SGMS2: variants seen among roughly 807,000 people sequenced by gnomAD.
SGMS2 encodes phosphatidylcholine:ceramide cholinephosphotransferase 2.
Under a neutral mutation model 43.8 loss-of-function variants are expected in SGMS2, and 21 were observed. That is an observed-to-expected ratio of 0.48 (90% CI 0.34 to 0.69). The LOEUF (loss-of-function observed/expected upper bound fraction) is 0.69. Among genes scored for constraint, SGMS2 ranks in the 30% least tolerant of loss-of-function variants. The pLI, the probability that SGMS2 is intolerant of heterozygous loss-of-function variation, is 0.01. For synonymous variants in SGMS2, 167 were observed against 160.6 expected, an observed-to-expected ratio of 1.04 and a Z score of -0.30; for missense variants, 384 against 443.2, an observed-to-expected ratio of 0.87 and a Z score of 1.20.
At chr4:107,834,245 C>T (rs958765645) in intron 1 of SGMS2, among the ~76,000 whole-genome samples, 9 of 152,182 alleles carry the variant, frequency 5.9e-5, no homozygotes, top group African/African-American at 1.9e-4. Flanking sequence ...TACATTTTGA[C>T]GGCTGTTTTA....
At chr4:107,875,159 GA>G (rs1728815721) in intron 2 of SGMS2, among the ~76,000 whole-genome samples, 1 of 152,174 alleles carries the variant, frequency 6.6e-6, no homozygotes, top group Admixed American at 6.6e-5. Flanking sequence ...AGCAACTCTG[GA>G]AAAACAGCCC....
At chr4:107,843,478 C>T (rs182981587) in intron 1 of SGMS2, among the ~76,000 whole-genome samples, 1 of 152,256 alleles carries the variant, frequency 6.6e-6, no homozygotes, top group African/African-American at 2.4e-5. Flanking sequence ...GTGGTGTCAG[C>T]TGTGAATTGC....
chr4:107,875,508 G>A (rs992692803), intron 2 of SGMS2, among the ~76,000 whole-genome samples: 2 of 152,114 alleles, frequency 1.3e-5, no homozygotes, highest in South Asian at 2.1e-4. Flanking sequence ...CCCACCTACC[G>A]AAGGGTGGAG....
intron 3 of SGMS2, among the ~76,000 whole-genome samples, 168 bp downstream of exon 3, chr4:107,896,176 C>T (rs1427311216): frequency 6.6e-6 from 1 of 152,114 alleles, no homozygotes; most frequent in Non-Finnish European, 1.5e-5. Flanking sequence ...AATTCAGTCA[C>T]TATTCAGTAA....
At chr4:107,907,566 G>A (rs1359753559) in intron 5 of SGMS2, among the ~76,000 whole-genome samples, 2 of 152,150 alleles carry the variant, frequency 1.3e-5, no homozygotes, top group African/African-American at 2.4e-5. Context: ...AGCCAAGATC[G>A]TGCCATTGAA....
intron 2 of SGMS2, among the ~76,000 whole-genome samples, chr4:107,862,192 C>T (rs573625657): frequency 1.1e-4 from 16 of 152,132 alleles, no homozygotes; most frequent in Non-Finnish European, 1.5e-4. Flanking sequence ...CCGTAACTGT[C>T]GGAGAATGTA....
At chr4:107,868,589 G>A (rs998236115) in intron 2 of SGMS2, among the ~76,000 whole-genome samples, 1 of 151,954 alleles carries the variant, frequency 6.6e-6, no homozygotes, top group African/African-American at 2.4e-5. Context: ...GTTGTGGTGG[G>A]CGCCTGTAAT....
chr4:107,841,670 C>T (rs1726512955), intron 1 of SGMS2, among the ~76,000 whole-genome samples: 1 of 150,396 alleles, frequency 6.6e-6, no homozygotes, highest in African/African-American at 2.4e-5. Context: ...TACTTATGGC[C>T]TTTTTTTTTA....
At chr4:107,869,984 A>G (rs1728438143) in intron 2 of SGMS2, among the ~76,000 whole-genome samples, 1 of 152,164 alleles carries the variant, frequency 6.6e-6, no homozygotes, top group Admixed American at 6.5e-5. Flanking sequence ...ATTAAATACC[A>G]TGATTGTGGA....
At chr4:107,826,166 TAATG>T (rs1411035702) in intron 1 of SGMS2, among the ~76,000 whole-genome samples, 20 of 152,202 alleles carry the variant, frequency 1.3e-4, no homozygotes, top group African/African-American at 4.6e-4. Context: ...ATGAGGATAA[TAATG>T]AGGATTAAAG....
At chr4:107,834,246 G>A (rs991542174) in intron 1 of SGMS2, among the ~76,000 whole-genome samples, 3 of 152,156 alleles carry the variant, frequency 2.0e-5, no homozygotes, top group Non-Finnish European at 2.9e-5. Flanking sequence ...ACATTTTGAC[G>A]GCTGTTTTAT....
At chr4:107,848,587 T>G (rs1248720592) in intron 1 of SGMS2, among the ~76,000 whole-genome samples, 2 of 152,172 alleles carry the variant, frequency 1.3e-5, no homozygotes, top group Non-Finnish European at 2.9e-5. Flanking sequence ...TTTGGTGGTG[T>G]TAGTATGGAT....
chr4:107,905,043 A>G (rs1225446410), intron 5 of SGMS2, among the ~76,000 whole-genome samples: 1 of 152,210 alleles, frequency 6.6e-6, no homozygotes, highest in Admixed American at 6.6e-5. Context: ...CACCCCCAGG[A>G]AACTTAGATT....
chr4:107,907,119 T>C (rs928460230), intron 5 of SGMS2: 4 of 152,172 alleles, frequency 2.6e-5, no homozygotes, highest in Admixed American at 1.3e-4. Context: ...TGAGATTCCA[T>C]GAGTTTTCTT....
chr4:107,860,671 C>G (rs1289245998), intron 2 of SGMS2, among the ~76,000 whole-genome samples: 1 of 151,932 alleles, frequency 6.6e-6, no homozygotes, highest in Non-Finnish European at 1.5e-5. Flanking sequence ...ATTACAGACA[C>G]CCACCATTGC....
intron 2 of SGMS2, among the ~76,000 whole-genome samples, chr4:107,895,076 A>C (rs1730553636): frequency 6.6e-6 from 1 of 152,228 alleles, no homozygotes; most frequent in Non-Finnish European, 1.5e-5. Context: ...ACTGATTGTT[A>C]AAATGTTCCT....
rs1032664790 is a variant in SGMS2, at chr4:107,912,521, T to G, written c.*1968T>G. On this transcript the variant is annotated 3_prime_UTR_variant, in exon 7 of 7. Coordinates refer to ENST00000690982, the MANE Select transcript of SGMS2 (RefSeq NM_001375905.1). ...GATTTTTAAGTTCCTGTTGCCCGAT[T>G]GTAAAGAAAATCATCTGACACAGAA... 6.6e-6 allele frequency: 1 copy of G among 152,142 alleles called. No homozygotes were observed. Among genetic ancestry groups the G allele is most frequent in the Non-Finnish European group, 1.5e-5 (1 of 68,028 alleles). The allele number at this position is 152,142 out of a possible 1,614,324, so 9.4% of individuals were successfully genotyped here. A position where few individuals can be genotyped will look rare whatever the true frequency, so the allele number is the denominator to read the frequency against.
At chr4:107,838,304 A>G (rs1726308237) in intron 1 of SGMS2, among the ~76,000 whole-genome samples, 1 of 152,152 alleles carries the variant, frequency 6.6e-6, no homozygotes, top group African/African-American at 2.4e-5. Context: ...AGGATACTTG[A>G]GATCTTGTTG....
At chr4:107,892,234 CAAAAA>C (rs34353350) in intron 2 of SGMS2, among the ~76,000 whole-genome samples, 14 of 75,100 alleles carry the variant, frequency 1.9e-4, no homozygotes, top group African/African-American at 6.5e-4. Flanking sequence ...ACTAAAACTC[CAAAAA>C]AAAAAAAAAA....
Sources: allele counts gnomAD v4.1 joint callset (sites outside exome capture counted in the v4.1 genomes callset), GRCh38; gene constraint gnomAD v4.1.1; transcripts MANE v1.5; gene names NCBI Gene and HGNC (gene_info 2026-07-23, HGNC 2026-07-21).